HYDIN: variants seen among roughly 807,000 people sequenced by gnomAD.
HYDIN encodes the protein axonemal central pair apparatus protein HYDIN.
Under a neutral mutation model 403.9 loss-of-function variants are expected in HYDIN, and 132 were observed. That is an observed-to-expected ratio of 0.33 (90% CI 0.28 to 0.38). The LOEUF is 0.38. Ranked by LOEUF, HYDIN falls within the 10% of genes least tolerant of loss-of-function variation. The pLI, the probability that HYDIN is intolerant of heterozygous loss-of-function variation, is 1.00. For missense variants in HYDIN, 2,827 were observed against 5,009.5 expected (o/e 0.56, Z 13.15); for synonymous variants, 1,202 against 1,891.7 (o/e 0.64, Z 9.46).
intron 45 of HYDIN, among the ~76,000 whole-genome samples, chr16:70,929,974 TC>T (rs1434480116): frequency 6.6e-6 from 1 of 152,134 alleles, no homozygotes; most frequent in Non-Finnish European, 1.5e-5. Context: ...AAACTGATTG[TC>T]CCATACATAA....
intron 62 of HYDIN, among the ~76,000 whole-genome samples, chr16:70,878,011 A>C (rs1374227912): frequency 6.6e-6 from 1 of 152,200 alleles, no homozygotes; most frequent in African/African-American, 2.4e-5. Flanking sequence ...AAAGGGTCCA[A>C]GATGGTGATA....
chr16:71,225,756 G>A (rs1249131753), intron 1 of HYDIN, among the ~76,000 whole-genome samples: 1 of 152,080 alleles, frequency 6.6e-6, no homozygotes, highest in African/African-American at 2.4e-5. Flanking sequence ...TTTAACATTT[G>A]ATTGGGTATG....
chr16:70,895,697 A>G, intron 54 of HYDIN, among the ~76,000 whole-genome samples: 1 of 151,346 alleles, frequency 6.6e-6, no homozygotes, highest in African/African-American at 2.4e-5. Context: ...AGTGATAGAA[A>G]ACTAATACAG....
chr16:70,837,657 G>A (rs1243136558), intron 77 of HYDIN, 33 bp downstream of exon 77: 1 of 1,612,842 alleles, frequency 6.2e-7, no homozygotes, highest in South Asian at 1.1e-5. Flanking sequence ...AAAGGAGGGT[G>A]CCACGCCTGA....
intron 12 of HYDIN, among the ~76,000 whole-genome samples, chr16:71,082,376 T>C (rs1234288969): frequency 6.6e-6 from 1 of 152,082 alleles, no homozygotes; most frequent in Non-Finnish European, 1.5e-5. Context: ...ATTGGACAAA[T>C]GAAACACTGA....
intron 2 of HYDIN, among the ~76,000 whole-genome samples, chr16:71,186,116 A>G (rs1304855477): frequency 6.9e-6 from 1 of 145,498 alleles, no homozygotes; most frequent in African/African-American, 2.4e-5. Flanking sequence ...CCATCACAAA[A>G]GAGAATAATG....
At chr16:71,172,941 C>A (rs921207730) in intron 5 of HYDIN, among the ~76,000 whole-genome samples, 81 of 152,212 alleles carry the variant, frequency 5.3e-4, no homozygotes, top group African/African-American at 1.9e-3. Context: ...TCATTGGCTG[C>A]ATTCTGGAGC....
chr16:71,146,207 T>C (rs2085362155), intron 7 of HYDIN, among the ~76,000 whole-genome samples: 1 of 152,078 alleles, frequency 6.6e-6, no homozygotes, highest in Admixed American at 6.6e-5. Context: ...AAGGGTTGAC[T>C]ATGCTTCATT....
At chr16:70,888,751 G>A (rs2041299250) in intron 58 of HYDIN, among the ~76,000 whole-genome samples, 2 of 152,154 alleles carry the variant, frequency 1.3e-5, no homozygotes, top group Admixed American at 6.5e-5. Flanking sequence ...TGGCAAGGGG[G>A]TGGGGCACCT....
At chr16:71,177,957 TAGAC>T (rs1214369913) in intron 4 of HYDIN, among the ~76,000 whole-genome samples, 1 of 152,042 alleles carries the variant, frequency 6.6e-6, no homozygotes. Flanking sequence ...AGACAAGACA[TAGAC>T]AGTGAGAGAA....
At chr16:71,064,862 AC>A (rs1224460939) in intron 15 of HYDIN, 22 bp from the exon 16 acceptor site, 1 of 1,602,534 alleles carries the variant, frequency 6.2e-7, no homozygotes. Context: ...AGCCCATCAC[AC>A]AATTCAAAAC....
intron 5 of HYDIN, among the ~76,000 whole-genome samples, chr16:71,163,637 T>C (rs2086105370): frequency 6.6e-6 from 1 of 152,088 alleles, no homozygotes; most frequent in South Asian, 2.1e-4. Context: ...ACAAGCCTGG[T>C]CCAGCCTACT....
At chr16:71,216,477 G>A (rs1567464265) in intron 1 of HYDIN, among the ~76,000 whole-genome samples, 2 of 152,128 alleles carry the variant, frequency 1.3e-5, no homozygotes, top group Non-Finnish European at 2.9e-5. Context: ...GACTGTAAAG[G>A]TCAGGATAGC....
rs753148997 is a variant in HYDIN at position 71,164,275 on chromosome 16, T to C, written c.517-1545A>G. Among the ~76,000 whole-genome samples the C allele has an allele frequency of 2.6e-3, 135 of 52,286 alleles. 4 individuals carry two copies. Among genetic ancestry groups the C allele is most frequent in the Non-Finnish European group, 3.9e-3 (110 of 28,564 alleles). The allele number at this position is 52,286 out of a possible 152,430, so 34.3% of individuals were successfully genotyped here. A position where few individuals can be genotyped will look rare whatever the true frequency, so the allele number is the denominator to read the frequency against. ...TGGAGGTTTTAAAAAAAGCTCTTTT[T>C]GGGCTTTGGACATAGAATAAGAATG... On this transcript the variant is annotated intron_variant, in intron 5 of 85. Transcript: ENST00000393567.
At chr16:71,150,657 T>C (rs1207835264) in intron 7 of HYDIN, among the ~76,000 whole-genome samples, 4 of 150,720 alleles carry the variant, frequency 2.7e-5, no homozygotes, top group Non-Finnish European at 5.9e-5. Context: ...AAAGATTTCC[T>C]AGCATGGAGG....
chr16:70,858,992 A>G (rs1394157992), intron 71 of HYDIN, among the ~76,000 whole-genome samples: 2 of 151,654 alleles, frequency 1.3e-5, no homozygotes, highest in East Asian at 3.9e-4. Flanking sequence ...CATGTAAAAT[A>G]GGGCTTCACA....
At chr16:71,167,578 A>G (rs886999200) in intron 5 of HYDIN, among the ~76,000 whole-genome samples, 7 of 151,722 alleles carry the variant, frequency 4.6e-5, no homozygotes, top group African/African-American at 1.7e-4. Flanking sequence ...ATACTGAGAG[A>G]GATGTTTTCA....
At chr16:71,054,162 T>C in intron 18 of HYDIN, among the ~76,000 whole-genome samples, 1 of 152,278 alleles carries the variant, frequency 6.6e-6, no homozygotes, top group African/African-American at 2.4e-5. Flanking sequence ...AACTAAATAG[T>C]ATATTGTAAA....
Position 70,920,729 on chromosome 16 carries a change from C to G in HYDIN, c.7647G>C (p.Glu2549Asp), listed in dbSNP as rs751844092. The G allele has an allele frequency of 6.3e-6, 10 of 1,580,196 alleles. No individual in the cohort carries two copies. In the African/African-American group the frequency reaches 9.4e-5, roughly 15 times the overall value. ...CTTCGTGGTCCTCCTCCCCTTCCCC[C>G]TCCCAGTCGCTCCGCTCCTCCAGGG... ...LRALEERSDW[E>D]GEGEEDHEGK... Residue 2549 changes from glutamate (E) to aspartate (D), a missense_variant, in exon 46 of 86, where the codon GAG becomes GAC. By Grantham distance (45) the Glu-to-Asp change is conservative. Coordinates refer to ENST00000393567, the MANE Select transcript of HYDIN (RefSeq NM_001270974.2).
Sources: gnomAD v4.1 joint callset for allele counts (sites outside exome capture counted in the v4.1 genomes callset) on GRCh38, gnomAD v4.1.1 for gene constraint, MANE v1.5 for transcripts, NCBI Gene and HGNC (gene_info 2026-07-23, HGNC 2026-07-21) for gene names.